The following CNR2 variants were observed in gnomAD, a reference collection of about 807,000 sequenced individuals.
CNR2 encodes cannabinoid receptor 2.
For synonymous variants in CNR2, 172 were observed against 182.2 expected (o/e 0.94, Z 0.45); for missense variants, 379 against 439.9 (o/e 0.86, Z 1.24).
At chr1:23,908,454 C>T (rs888648363) in intron 1 of CNR2, among the ~76,000 whole-genome samples, 12 of 152,102 alleles carry the variant, frequency 7.9e-5, no homozygotes, top group Admixed American at 6.6e-5. Flanking sequence ...GAAGATCTCA[C>T]ATTGAGAAAA....
rs1557530268 is a variant in CNR2 at position 23,894,644 on chromosome 1, AT to A, written c.-46+18601del. Among the ~76,000 whole-genome samples, 5 of 146,920 alleles carry A rather than the reference AT, an allele frequency of 3.4e-5. 1 individual carries two copies. The highest frequency in any genetic ancestry group is 7.5e-5 in the Non-Finnish European group (5 of 66,246). Reference sequence around the variant, plus strand: ...CCGTGAAACCCCATCTGTATTATAAATAATAATAATAAAAAAATCAGCCAGG... The same window carrying A: ...CCGTGAAACCCCATCTGTATTATAAAAATAATAATAAAAAAATCAGCCAGG... On this transcript the variant is annotated intron_variant, in intron 1 of 1. Coordinates refer to ENST00000374472, the MANE Select transcript of CNR2 (RefSeq NM_001841.3).
chr1:23,882,631 C>A (rs1640011776), intron 1 of CNR2, among the ~76,000 whole-genome samples: 1 of 142,810 alleles, frequency 7.0e-6, no homozygotes, highest in Non-Finnish European at 1.5e-5. Context: ...CATGGTGAAA[C>A]CCCGCCTCTA....
rs1301116696 is a variant in CNR2 at position 23,875,437 on chromosome 1, A to G, written c.181T>C (p.Ser61Pro). 3 of 1,614,082 alleles carry G rather than the reference A, an allele frequency of 1.9e-6. No homozygotes were observed. Among genetic ancestry groups the G allele is most frequent in the East Asian group, 4.5e-5 (2 of 44,890 alleles). Residue 61 changes from serine to proline, a missense_variant, in exon 2 of 2, where the codon TCC (serine) becomes CCC (proline). Ser to Pro is a moderately conservative substitution (Grantham distance 74, BLOSUM62 -1). Coordinates refer to ENST00000374472, the MANE Select transcript of CNR2 (RefSeq NM_001841.3). ...NVAVLYLILSSHQLRRKPSYL... is the reference protein window; with the variant it reads ...NVAVLYLILSPHQLRRKPSYL... The stretch of plus-strand genomic sequence containing the variant: ...GAGGGCTTCCGGCGGAGTTGGTGGG[A>G]GGACAGGATCAGATAGAGCACAGCC...
intron 1 of CNR2, among the ~76,000 whole-genome samples, chr1:23,909,156 C>T (rs1280598371): frequency 6.6e-6 from 1 of 152,112 alleles, no homozygotes. Flanking sequence ...CTGGGGAATC[C>T]TTCCCTCCCT....
At chr1:23,882,406 A>C (rs1263788837) in intron 1 of CNR2, among the ~76,000 whole-genome samples, 1 of 152,208 alleles carries the variant, frequency 6.6e-6, no homozygotes, top group Non-Finnish European at 1.5e-5. Flanking sequence ...TCAAAAATTC[A>C]TAAAGGCGAT....
At position 23,874,680 on chromosome 1, in the gene CNR2, C is replaced by T. The variant is rs550621200; in HGVS notation, c.938G>A (p.Cys313Tyr). The T allele has an allele frequency of 1.2e-6, 2 of 1,614,150 alleles. No homozygotes were observed. The highest frequency in any genetic ancestry group is 1.3e-5 in the African/African-American group (1 of 75,034). ...CACACACTTCTTCCAGTGAGCCAGG[C>T]AGTGATGGGCAGAGGAGCGGATCTC... The part of the protein sequence containing the change: ...SGEIRSSAHH[C>Y]LAHWKKCVRG... Residue 313 changes from cysteine (C) to tyrosine (Y), a missense_variant, in exon 2 of 2, where the codon TGC becomes TAC. By Grantham distance (194) the Cys-to-Tyr change is radical. Transcript: ENST00000374472.
chr1:23,907,029 G>A (rs1310577182), intron 1 of CNR2: 1 of 151,746 alleles, frequency 6.6e-6, no homozygotes, highest in African/African-American at 2.4e-5. Flanking sequence ...ACCAACCTTT[G>A]AAATGTTGTG....
At chr1:23,882,355 T>C (rs1369584144) in intron 1 of CNR2, among the ~76,000 whole-genome samples, 5 of 151,858 alleles carry the variant, frequency 3.3e-5, no homozygotes, top group African/African-American at 4.8e-5. Context: ...GTCTGATGTG[T>C]GAAAAAAGAA....
chr1:23,909,660 G>A (rs910962689), intron 1 of CNR2, among the ~76,000 whole-genome samples: 1 of 152,058 alleles, frequency 6.6e-6, no homozygotes, highest in African/African-American at 2.4e-5. Flanking sequence ...GCTCAGTTTG[G>A]GGTGGGAGGA....
intron 1 of CNR2, among the ~76,000 whole-genome samples, chr1:23,906,891 C>CAA (rs111873996): frequency 2.6e-5 from 3 of 115,280 alleles, no homozygotes; most frequent in African/African-American, 3.2e-5. Context: ...GACTCTGTGT[C>CAA]AAAAAAAAAA....
chr1:23,905,338 G>A (rs925350854), intron 1 of CNR2, among the ~76,000 whole-genome samples: 17 of 151,192 alleles, frequency 1.1e-4, no homozygotes, highest in African/African-American at 3.9e-4. Flanking sequence ...CCGACACCAC[G>A]CCAGCTAGCT....
intron 1 of CNR2, among the ~76,000 whole-genome samples, chr1:23,883,082 A>G (rs1258543323): frequency 6.6e-6 from 1 of 152,240 alleles, no homozygotes; most frequent in Non-Finnish European, 1.5e-5. Flanking sequence ...GAGCAACCAC[A>G]ATGAAGAAAA....
intron 1 of CNR2, among the ~76,000 whole-genome samples, chr1:23,897,000 C>G (rs1205920299): frequency 2.0e-5 from 3 of 151,932 alleles, no homozygotes; most frequent in Non-Finnish European, 4.4e-5. Flanking sequence ...ATTTTCCTGC[C>G]TCAGCCTCCC....
At chr1:23,902,280 A>C in intron 1 of CNR2, 9 of 1,456,858 alleles carry the variant, frequency 6.2e-6, no homozygotes, top group Non-Finnish European at 8.4e-6. Flanking sequence ...TTGGGACCGC[A>C]GGGCCATCTC....
At chr1:23,904,241 C>T (rs1374466299) in intron 1 of CNR2, among the ~76,000 whole-genome samples, 5 of 149,024 alleles carry the variant, frequency 3.4e-5, no homozygotes, top group South Asian at 4.2e-4. Flanking sequence ...GGTGCGATCT[C>T]GGCTCACTAC....
At chr1:23,877,915 C>A (rs146602439) in intron 1 of CNR2, among the ~76,000 whole-genome samples, 19 of 150,688 alleles carry the variant, frequency 1.3e-4, no homozygotes, top group African/African-American at 3.2e-4. Flanking sequence ...GAGCTGAGAT[C>A]GCACCACTGC....
chr1:23,904,662 C>T (rs1324312931), intron 1 of CNR2, among the ~76,000 whole-genome samples: 1 of 152,070 alleles, frequency 6.6e-6, no homozygotes, highest in Non-Finnish European at 1.5e-5. Context: ...ATGCATTTGT[C>T]TGGGGGTGGG....
Position 23,874,334 on chromosome 1 carries a change from A to C in CNR2, c.*201T>G. 1.7e-6 allele frequency: 1 copy of C among 588,198 alleles called. No homozygotes were observed. The highest frequency in any genetic ancestry group is 3.0e-6 in the Non-Finnish European group (1 of 335,232). 36.4% of individuals were successfully genotyped at this position (588,198 alleles called of 1,614,324 possible). On this transcript the variant is annotated 3_prime_UTR_variant, in exon 2 of 2. Transcript: ENST00000374472. Reference sequence around the variant, plus strand: ...CTACCTGGCTACTCCTCGTGGCCCTACCTATCCAACAGACTGTGTGCAGGT... The same window carrying C: ...CTACCTGGCTACTCCTCGTGGCCCTCCCTATCCAACAGACTGTGTGCAGGT...
intron 1 of CNR2, 80 bp downstream of exon 1, chr1:23,913,162 AAAAC>A (rs569995159): frequency 2.6e-4 from 46 of 174,384 alleles, no homozygotes; most frequent in Middle Eastern, 2.6e-3. Context: ...CTCCGTCTCA[AAAAC>A]AAACAAACAA....
Sources: allele counts gnomAD v4.1 joint callset (sites outside exome capture counted in the v4.1 genomes callset), GRCh38; gene constraint gnomAD v4.1.1; transcripts MANE v1.5; gene names NCBI Gene and HGNC (gene_info 2026-07-23, HGNC 2026-07-21).